The following KNTC1 variants were observed in gnomAD, a reference collection of about 807,000 sequenced individuals.
The protein encoded by KNTC1 is kinetochore-associated protein 1.
KNTC1 carries 253 observed loss-of-function variants against 314.4 expected under a neutral mutation model. That is an observed-to-expected ratio of 0.80 (90% CI 0.73 to 0.89). The LOEUF (loss-of-function observed/expected upper bound fraction) is 0.89. Ranked by LOEUF, KNTC1 falls within the 40% of genes least tolerant of loss-of-function variation. The pLI is 0.00. For synonymous variants in KNTC1, 901 were observed against 901.4 expected, an observed-to-expected ratio of 1.00 and a Z score of 0.01; for missense variants, 2,475 against 2,572.9, an observed-to-expected ratio of 0.96 and a Z score of 0.82.
rs762185525 is a variant in KNTC1, at chr12:122,590,594, T to C, written c.4000-13T>C. 8.2e-6 allele frequency: 13 copies of C among 1,592,152 alleles called. No homozygotes were observed. In the Admixed American group the frequency reaches 1.9e-4, roughly 23 times the overall value. The stretch of plus-strand genomic sequence containing the variant: ...GTGAAGAATTTGCTTCTTTTGCTGG[T>C]TTCTTCCTGTAGGTATTTAATTGTC... On this transcript the variant is annotated splice_polypyrimidine_tract_variant and intron_variant, in intron 40 of 63. Transcript: ENST00000333479.
intron 31 of KNTC1, among the ~76,000 whole-genome samples, chr12:122,579,158 G>A (rs1370970206): frequency 2.9e-5 from 4 of 138,690 alleles, no homozygotes; most frequent in East Asian, 4.5e-4. Flanking sequence ...TCCGCCTCCC[G>A]GGTTCACGCC....
intron 3 of KNTC1, among the ~76,000 whole-genome samples, chr12:122,537,353 T>C (rs547701322): frequency 5.3e-5 from 8 of 152,282 alleles, no homozygotes; most frequent in Admixed American, 3.3e-4. Context: ...TACATTTTTT[T>C]CCCCAGAACA....
chr12:122,579,281 G>A (rs1965240773), intron 31 of KNTC1, among the ~76,000 whole-genome samples: 1 of 150,916 alleles, frequency 6.6e-6, no homozygotes, highest in African/African-American at 2.4e-5. Context: ...AGCCGGGATG[G>A]TCTCGATCTC....
chr12:122,618,753 C>T (rs550800602), intron 59 of KNTC1, among the ~76,000 whole-genome samples: 1 of 152,114 alleles, frequency 6.6e-6, no homozygotes, highest in African/African-American at 2.4e-5. Flanking sequence ...ACTGCACCCT[C>T]CACCTCCCAG....
chr12:122,537,472 G>A, intron 3 of KNTC1, among the ~76,000 whole-genome samples: 1 of 150,270 alleles, frequency 6.7e-6, no homozygotes, highest in Non-Finnish European at 1.5e-5. Context: ...AGGCTGGAGT[G>A]CAGTGGCGTG....
At chr12:122,563,625 C>T (rs1964122595) in intron 20 of KNTC1, 1 of 481,014 alleles carries the variant, frequency 2.1e-6, no homozygotes, top group Admixed American at 5.1e-5. Context: ...CTGCGCCACC[C>T]TAGCAGCGAG....
At chr12:122,540,969 G>A (rs1046762026) in intron 5 of KNTC1, among the ~76,000 whole-genome samples, 4 of 151,960 alleles carry the variant, frequency 2.6e-5, no homozygotes, top group Admixed American at 6.6e-5. Context: ...CTAGGAGCTC[G>A]AAACCAGCCT....
intron 29 of KNTC1, among the ~76,000 whole-genome samples, chr12:122,576,330 T>A (rs1965018702): frequency 6.6e-6 from 1 of 152,028 alleles, no homozygotes; most frequent in Non-Finnish European, 1.5e-5. Context: ...CGGCCTCCCA[T>A]AGTGTTGGGA....
intron 9 of KNTC1, 34 bp from the exon 10 acceptor site, chr12:122,546,587 TA>T: frequency 7.2e-7 from 1 of 1,381,292 alleles, no homozygotes; most frequent in Non-Finnish European, 1.0e-6. Context: ...AATATTGAAA[TA>T]AAATCCTGAG....
intron 13 of KNTC1, 27 bp downstream of exon 13, chr12:122,549,891 T>TAAAAGAATA: frequency 1.6e-6 from 2 of 1,241,114 alleles, no homozygotes; most frequent in Non-Finnish European, 2.3e-6. Context: ...TTTAAAGTAT[T>TAAAAGAATA]CTTTTAACTA....
In KNTC1 at chr12:122,614,991, G is replaced by A. The variant is rs941657022; in HGVS notation, c.5878G>A (p.Ala1960Thr). The A allele has an allele frequency of 6.2e-7, 1 of 1,609,902 alleles. No individual in the cohort carries two copies. The highest frequency in any genetic ancestry group is 1.1e-5 in the South Asian group (1 of 90,272). Residue 1960 changes from alanine (A) to threonine (T), a missense_variant and splice_region_variant, in exon 56 of 64, where the codon GCA (alanine) becomes ACA (threonine). Physicochemically the swap from Ala to Thr is moderately conservative, Grantham distance 58. Transcript: ENST00000333479. ...GATTTTTTTCTTTTTTTGGCTTCAG[G>A]CAGTAAGATTGGTGACTGAGCTGTG... Reference protein sequence around the residue: ...LWKNHSHESMAVRLVTELCLE... With the variant: ...LWKNHSHESMTVRLVTELCLE...
Position 122,571,099 on chromosome 12 carries a change from G to T in KNTC1, c.1992G>T (p.Leu664Phe), listed in dbSNP as rs745602896. 18 of 1,613,260 alleles carry T rather than the reference G, an allele frequency of 1.1e-5. No homozygotes were observed. The highest frequency in any genetic ancestry group is 4.0e-5 in the African/African-American group (3 of 74,864). Residue 664 changes from leucine (L) to phenylalanine (F), a missense_variant, in exon 24 of 64, where the codon TTG (leucine) becomes TTT (phenylalanine). By Grantham distance (22) the Leu-to-Phe change is conservative (BLOSUM62 0). Transcript: ENST00000333479. ...FTAEKTDELG[L>F]ASSWHWISLK... ...CAGAAAAAACAGACGAGTTGGGATT[G>T]GCATCTTCCTGGCATTGGATTTCCT...
chr12:122,625,264 G>A (rs113814792), intron 63 of KNTC1, among the ~76,000 whole-genome samples: 3,567 of 152,076 alleles, frequency 0.023, 131 homozygotes, highest in African/African-American at 0.079. Context: ...TTAGCCAGGC[G>A]TGGTGGCACA....
chr12:122,585,162 G>A (rs2138005658), intron 36 of KNTC1, among the ~76,000 whole-genome samples, 172 bp downstream of exon 36: 1 of 151,850 alleles, frequency 6.6e-6, no homozygotes. Flanking sequence ...AGCCTTCTGA[G>A]TAGCTGGGAC....
At chr12:122,617,062 T>G (rs1285927341) in intron 57 of KNTC1, among the ~76,000 whole-genome samples, 1 of 152,256 alleles carries the variant, frequency 6.6e-6, no homozygotes, top group Non-Finnish European at 1.5e-5. Context: ...TTCGTCTTTA[T>G]TGCCAAATAA....
At chr12:122,540,230 T>C (rs558994039) in intron 5 of KNTC1, among the ~76,000 whole-genome samples, 1 of 150,694 alleles carries the variant, frequency 6.6e-6, no homozygotes, top group South Asian at 2.1e-4. Context: ...TGGAGTGCAA[T>C]GGCACGACCT....
At chr12:122,591,834 ACTC>A (rs1357506360) in intron 42 of KNTC1, among the ~76,000 whole-genome samples, 2 of 151,772 alleles carry the variant, frequency 1.3e-5, no homozygotes, top group Non-Finnish European at 2.9e-5. Flanking sequence ...TGCTTCAAGA[ACTC>A]CTAGTGAGAG....
intron 16 of KNTC1, among the ~76,000 whole-genome samples, chr12:122,554,077 AT>A (rs1214963537): frequency 0.02 from 1,073 of 54,534 alleles, 12 homozygotes; most frequent in African/African-American, 0.064. Flanking sequence ...AAAAAAAAAA[AT>A]ATATATATAT....
intron 21 of KNTC1, among the ~76,000 whole-genome samples, chr12:122,569,186 T>C (rs1964531240): frequency 6.6e-6 from 1 of 152,220 alleles, no homozygotes; most frequent in African/African-American, 2.4e-5. Flanking sequence ...CTCCTAATCT[T>C]AGCTCTAAAG....
Sources: gnomAD v4.1 joint callset for allele counts (sites outside exome capture counted in the v4.1 genomes callset) on GRCh38, gnomAD v4.1.1 for gene constraint, MANE v1.5 for transcripts, NCBI Gene and HGNC (gene_info 2026-07-23, HGNC 2026-07-21) for gene names.